ZNF316: variants seen among roughly 807,000 people sequenced by gnomAD.
ZNF316 encodes the protein zinc finger protein 316.
ZNF316 carries 23 observed loss-of-function variants against 75.6 expected under a neutral mutation model. The observed-to-expected ratio is 0.30, with a 90% CI of 0.22 to 0.43. ZNF316 has a LOEUF of 0.43. Ranked by LOEUF, ZNF316 falls within the 20% of genes least tolerant of loss-of-function variation. The pLI is 1.00. For synonymous variants in ZNF316, 827 were observed against 666.2 expected, an observed-to-expected ratio of 1.24 and a Z score of -3.72; for missense variants, 1,266 against 1,409.4, an observed-to-expected ratio of 0.90 and a Z score of 1.63.
intron 8 of ZNF316, among the ~76,000 whole-genome samples, chr7:6,647,670 T>C (rs1027339518): frequency 2.6e-5 from 4 of 152,160 alleles, no homozygotes. Flanking sequence ...GGACTCGCCG[T>C]GGGGCCCAGG....
At chr7:6,649,868 C>G (rs965403548) in intron 8 of ZNF316, among the ~76,000 whole-genome samples, 1 of 152,162 alleles carries the variant, frequency 6.6e-6, no homozygotes, top group African/African-American at 2.4e-5. Flanking sequence ...GGCTCCCTGC[C>G]TACCTCCCCA....
Position 6,638,016 on chromosome 7 carries a change from A to AG in ZNF316, c.-267+10dup, listed in dbSNP as rs917046325. 2.1e-4 allele frequency: 32 copies of AG among 152,320 alleles called. No homozygotes were observed. Among genetic ancestry groups the AG allele is most frequent in the Admixed American group, 2.0e-3 (31 of 15,302 alleles). 9.4% of individuals were successfully genotyped at this position (152,320 alleles called of 1,614,324 possible). On this transcript the variant is annotated splice_region_variant and intron_variant, in intron 2 of 8. Coordinates refer to ENST00000382252, the MANE Select transcript of ZNF316 (RefSeq NM_001278559.2). ...TGTCTTCTGCTGCCGGCAGGTAGGT[A>AG]GGGACACCCATCCCTGGGATTGGAT...
Position 6,654,356 on chromosome 7 carries a change from C to T in ZNF316, c.2760C>T (p.Cys920=), listed in dbSNP as rs1295982012. The T allele has an allele frequency of 6.6e-6, 8 of 1,220,392 alleles. No homozygotes were observed. Among genetic ancestry groups the T allele is most frequent in the South Asian group, 4.1e-5 (1 of 24,500 alleles). 75.6% of individuals were successfully genotyped at this position (1,220,392 alleles called of 1,614,324 possible). A position where few individuals can be genotyped will look rare whatever the true frequency, so the allele number is the denominator to read the frequency against. The stretch of plus-strand genomic sequence containing the variant: ...AGCGGCCCTACGCCTGCGCCAACTG[C>T]GGCCGCCGCTTCTCGCAGAGCTCGC... ...TGERPYACAN[C]GRRFSQSSHL... The change falls in exon 9 of 9, where the codon TGC becomes TGT. Residue 920 remains cysteine, a synonymous_variant. Transcript: ENST00000382252.
intron 8 of ZNF316, among the ~76,000 whole-genome samples, chr7:6,646,598 TGGCAGGCC>T (rs1439137732): frequency 3.3e-5 from 5 of 152,028 alleles, no homozygotes; most frequent in African/African-American, 1.2e-4. Context: ...GTGTTGGGGC[TGGCAGGCC>T]TGGGATGCCC....
chr7:6,645,284 G>C (rs1779379506), intron 8 of ZNF316, among the ~76,000 whole-genome samples: 1 of 152,240 alleles, frequency 6.6e-6, no homozygotes, highest in African/African-American at 2.4e-5. Context: ...TAGCGTCAGA[G>C]AGCTCTGCAG....
rs1367086889 is a variant in ZNF316, at chr7:6,653,626, C to T, written c.2030C>T (p.Ala677Val). 6 of 1,061,338 alleles carry T rather than the reference C, an allele frequency of 5.7e-6. No homozygotes were observed. In the East Asian group the frequency reaches 1.8e-4, roughly 32 times the overall value. The allele number at this position is 1,061,338 out of a possible 1,614,324, so 65.7% of individuals were successfully genotyped here. A position where few individuals can be genotyped will look rare whatever the true frequency, so the allele number is the denominator to read the frequency against. ...AFGPAIGGLL[A>V]EPAPAALAEE... ...GGGCCCGCCATCGGGGGTCTGCTGGCGGAGCCCGCGCCGGCCGCGCTGGCG... is the reference window on the plus strand; with the variant it reads ...GGGCCCGCCATCGGGGGTCTGCTGGTGGAGCCCGCGCCGGCCGCGCTGGCG... Residue 677 changes from alanine (A) to valine (V), a missense_variant, in exon 9 of 9, where the codon GCG (alanine) becomes GTG (valine). Around this residue, in one of 3 missense-constraint regions of ZNF316, gnomAD observed 961 missense variants for 990.9 expected, o/e 0.97. Coordinates refer to ENST00000382252, the MANE Select transcript of ZNF316 (RefSeq NM_001278559.2).
intron 8 of ZNF316, among the ~76,000 whole-genome samples, chr7:6,650,855 T>C (rs1365555662): frequency 6.6e-6 from 1 of 152,148 alleles, no homozygotes; most frequent in Non-Finnish European, 1.5e-5. Context: ...TCCCGTGACT[T>C]AGTGCCTGCT....
intron 8 of ZNF316, among the ~76,000 whole-genome samples, chr7:6,650,351 C>A (rs1779486303): frequency 1.3e-5 from 2 of 152,168 alleles, no homozygotes; most frequent in Admixed American, 1.3e-4. Flanking sequence ...AACTTAGTGA[C>A]AAGAAACCTT....
At position 6,652,346 on chromosome 7, in the gene ZNF316, A is replaced by G. The variant is rs996211963; in HGVS notation, c.750A>G (p.Glu250=). The G allele has an allele frequency of 8.1e-7, 1 of 1,232,372 alleles. No homozygotes were observed. Among genetic ancestry groups the G allele is most frequent in the Non-Finnish European group, 1.0e-6 (1 of 988,088 alleles). The allele number at this position is 1,232,372 out of a possible 1,614,324, so 76.3% of individuals were successfully genotyped here. A position where few individuals can be genotyped will look rare whatever the true frequency, so the allele number is the denominator to read the frequency against. The stretch of plus-strand genomic sequence containing the variant: ...ACGACATAGAGGACCACGAGGAGGA[A>G]GACGACGAGGACTTCCTGGCGGAGG... The part of the protein sequence containing the change: ...WTDDIEDHEE[E]DDEDFLAEVA... The change falls in exon 9 of 9, where the codon GAA becomes GAG. Residue 250 remains glutamate, a synonymous_variant. Transcript: ENST00000382252.
Position 6,654,389 on chromosome 7 carries a change from C to T in ZNF316, c.2793C>T (p.Leu931=), listed in dbSNP as rs1562584980. The change falls in exon 9 of 9, where the codon CTC becomes CTT. Residue 931 remains leucine (L), a synonymous_variant. Coordinates refer to ENST00000382252, the MANE Select transcript of ZNF316 (RefSeq NM_001278559.2). ...GRRFSQSSHL[L]THMKTHRGAT... ...GCTTCTCGCAGAGCTCGCACTTGCT[C>T]ACCCACATGAAGACGCACCGCGGAG... The T allele has an allele frequency of 7.4e-6, 9 of 1,217,360 alleles. No homozygotes were observed. The highest frequency in any genetic ancestry group is 9.2e-6 in the Non-Finnish European group (9 of 978,776). 75.4% of individuals were successfully genotyped at this position (1,217,360 alleles called of 1,614,324 possible). A position where few individuals can be genotyped will look rare whatever the true frequency, so the allele number is the denominator to read the frequency against.
chr7:6,646,154 A>T (rs1194673325), intron 8 of ZNF316, among the ~76,000 whole-genome samples: 1 of 152,092 alleles, frequency 6.6e-6, no homozygotes, highest in Non-Finnish European at 1.5e-5. Context: ...TTGGGTGGGG[A>T]CACAGAGCTG....
chr7:6,648,010 GA>G (rs1779439603), intron 8 of ZNF316, among the ~76,000 whole-genome samples: 3 of 152,222 alleles, frequency 2.0e-5, no homozygotes, highest in Admixed American at 2.0e-4. Flanking sequence ...TGGCCCCTGG[GA>G]TCACCACTGC....
Position 6,642,333 on chromosome 7 carries a change from G to A in ZNF316, c.-28-49G>A, listed in dbSNP as rs969533143. The A allele has an allele frequency of 2.9e-5, 28 of 973,596 alleles. No individual in the cohort carries two copies. Among genetic ancestry groups the A allele is most frequent in the South Asian group, 5.4e-5 (1 of 18,548 alleles). The allele number at this position is 973,596 out of a possible 1,614,324, so 60.3% of individuals were successfully genotyped here. ...CTGCGGGAGACCCTGTGAGGGGACC[G>A]TGTGGTGTGCTGAGAGCAGCCCGTC... On this transcript the variant is annotated intron_variant, in intron 4 of 8. Coordinates refer to ENST00000382252, the MANE Select transcript of ZNF316 (RefSeq NM_001278559.2). This position sits in a 1 kb window ranked among gnomAD's most constrained non-coding sequence, Gnocchi z 8.1.
At chr7:6,649,194 C>T (rs1467886574) in intron 8 of ZNF316, among the ~76,000 whole-genome samples, 1 of 152,160 alleles carries the variant, frequency 6.6e-6, no homozygotes, top group African/African-American at 2.4e-5. Context: ...TCACTGAGCC[C>T]TTGTGGTCCC....
At position 6,653,597 on chromosome 7, in the gene ZNF316, G is replaced by A. The variant is rs1583447676; in HGVS notation, c.2001G>A (p.Ala667=). The change falls in exon 9 of 9, where the codon GCG becomes GCA. Residue 667 remains alanine (A), a synonymous_variant. Transcript: ENST00000382252. ...GAAGGGGGLR[A]FGPAIGGLLA... ...CGGGCGGCGGAGGCGGCCTGCGCGC[G>A]TTCGGGCCCGCCATCGGGGGTCTGC... The A allele has an allele frequency of 9.4e-7, 1 of 1,063,914 alleles. No homozygotes were observed. Among genetic ancestry groups the A allele is most frequent in the Admixed American group, 5.5e-5 (1 of 18,120 alleles). 65.9% of individuals were successfully genotyped at this position (1,063,914 alleles called of 1,614,324 possible). A position where few individuals can be genotyped will look rare whatever the true frequency, so the allele number is the denominator to read the frequency against.
rs1051652608 is a variant in ZNF316, at chr7:6,637,359, C to G, written c.-519C>G. 5 of 149,544 alleles carry G rather than the reference C, an allele frequency of 3.3e-5. No individual in the cohort carries two copies. Among genetic ancestry groups the G allele is most frequent in the Admixed American group, 1.3e-4 (2 of 15,048 alleles). The allele number at this position is 149,544 out of a possible 1,614,324, so 9.3% of individuals were successfully genotyped here. On this transcript the variant is annotated 5_prime_UTR_variant, in exon 1 of 9. Coordinates refer to ENST00000382252, the MANE Select transcript of ZNF316 (RefSeq NM_001278559.2). The surrounding 1 kb of genome is among the most constrained non-coding windows in gnomAD (Gnocchi z 6.2). ...CGCCGCCGTCGCGCAGCTCCCGGGC[C>G]GTCACTTTGTGTAGCGCGGGGTCCG...
intron 8 of ZNF316, among the ~76,000 whole-genome samples, chr7:6,651,382 C>T (rs528092794): frequency 4.3e-4 from 65 of 151,500 alleles, no homozygotes; most frequent in African/African-American, 1.5e-3. Context: ...AGGCTGGGCG[C>T]GGTGGGTCAC....
intron 8 of ZNF316, 55 bp downstream of exon 8, chr7:6,644,648 C>T (rs1022054378): frequency 9.3e-7 from 1 of 1,079,072 alleles, no homozygotes; most frequent in African/African-American, 1.6e-5. Context: ...GAGCTGTTGT[C>T]AAACTTTGGC....
In ZNF316 at chr7:6,653,691, A is replaced by G; in HGVS notation, c.2095A>G (p.Thr699Ala). 1 of 1,086,792 alleles carries G rather than the reference A, an allele frequency of 9.2e-7. No individual in the cohort carries two copies. Among genetic ancestry groups the G allele is most frequent in the Non-Finnish European group, 1.1e-6 (1 of 893,592 alleles). 67.3% of individuals were successfully genotyped at this position (1,086,792 alleles called of 1,614,324 possible). Residue 699 changes from threonine (T) to alanine (A), a missense_variant, in exon 9 of 9, where the codon ACG (threonine) becomes GCG (alanine). Around this residue, in one of 3 missense-constraint regions of ZNF316, gnomAD observed 961 missense variants for 990.9 expected, o/e 0.97. Transcript: ENST00000382252. ...SPWICSDCGK[T>A]FGRRAALAKH... Reference sequence around the variant, plus strand: ...GTGGATCTGCTCGGACTGCGGCAAGACGTTTGGGCGCCGGGCCGCGCTGGC... The same window carrying G: ...GTGGATCTGCTCGGACTGCGGCAAGGCGTTTGGGCGCCGGGCCGCGCTGGC...
Sources: gnomAD v4.1 joint callset for allele counts (sites outside exome capture counted in the v4.1 genomes callset) on GRCh38, gnomAD v4.1.1 for gene constraint, gnomAD v4.1.1 regional missense constraint, Gnocchi (gnomAD v3.1) non-coding constraint, MANE v1.5 for transcripts, NCBI Gene and HGNC (gene_info 2026-07-23, HGNC 2026-07-21) for gene names.